Variants in ZNF195 observed in about 807,000 individuals in gnomAD.
The protein encoded by ZNF195 is zinc finger protein 195, also known as hypoxia-regulated factor-1.
In ZNF195, 11 loss-of-function variants were observed where a neutral mutation model predicts 19.5. The ratio of observed to expected loss-of-function variants is 0.57; its 90% confidence interval spans 0.36 to 0.94. The LOEUF (loss-of-function observed/expected upper bound fraction) is 0.94, where lower values mean the gene tolerates loss of function less well. Among genes scored for constraint, ZNF195 ranks in the 40% least tolerant of loss-of-function variants. The pLI, the probability that ZNF195 is intolerant of heterozygous loss-of-function variation, is 0.01. For missense variants in ZNF195, 582 were observed against 709.0 expected, an observed-to-expected ratio of 0.82 and a Z score of 2.03; for synonymous variants, 214 against 248.1, an observed-to-expected ratio of 0.86 and a Z score of 1.29.
At chr11:3,367,945 T>C (rs989536854) in intron 3 of ZNF195, among the ~76,000 whole-genome samples, 1 of 151,858 alleles carries the variant, frequency 6.6e-6, no homozygotes, top group African/African-American at 2.4e-5. Context: ...TGGTGGTGCA[T>C]GCCTGTGTGT....
At chr11:3,360,980 C>T (rs1848606569) in intron 4 of ZNF195, among the ~76,000 whole-genome samples, 192 bp from the exon 5 acceptor site, 2 of 152,122 alleles carry the variant, frequency 1.3e-5, no homozygotes, top group Non-Finnish European at 2.9e-5. Context: ...TTGGTTTCTG[C>T]CCCCTGTGAC....
chr11:3,369,991 C>T (rs1009612495), intron 3 of ZNF195, among the ~76,000 whole-genome samples: 1 of 152,106 alleles, frequency 6.6e-6, no homozygotes, highest in Non-Finnish European at 1.5e-5. Context: ...ACAATATATA[C>T]ACAATTTTTA....
intron 2 of ZNF195, 135 bp downstream of exon 2, chr11:3,371,442 T>C (rs1849206719): frequency 2.6e-6 from 3 of 1,163,066 alleles, no homozygotes; most frequent in African/African-American, 1.6e-5. Flanking sequence ...ACATCAACTA[T>C]TCCCCATGTT....
chr11:3,359,968 T>C lies in ZNF195; in HGVS notation c.1040A>G (p.His347Arg), dbSNP rs1456239502. ...NQCSHLTEHE[H>R]GTEEKPCKYE... Reference sequence around the variant, plus strand: ...TTTGCAGGGTTTTTCCTCAGTACCATGCTCATGTTCAGTAAGGTGGGAGCA... The same window carrying C: ...TTTGCAGGGTTTTTCCTCAGTACCACGCTCATGTTCAGTAAGGTGGGAGCA... The change falls in exon 6 of 6, where the codon CAT becomes CGT. Residue 347 changes from histidine (H) to arginine (R), a missense_variant. His to Arg is a conservative substitution (Grantham distance 29). Coordinates refer to ENST00000399602, the MANE Select transcript of ZNF195 (RefSeq NM_001130520.3). The surrounding 1 kb of genome is among the most constrained non-coding windows in gnomAD (Gnocchi z 5.5). The C allele has an allele frequency of 3.1e-6, 5 of 1,614,170 alleles. No homozygotes were observed. The highest frequency in any genetic ancestry group is 4.2e-6 in the Non-Finnish European group (5 of 1,180,032).
chr11:3,378,737 C>A (rs904185500), intron 1 of ZNF195, among the ~76,000 whole-genome samples: 4 of 152,262 alleles, frequency 2.6e-5, no homozygotes, highest in African/African-American at 9.6e-5. Flanking sequence ...CCCCCACGGG[C>A]TACAGATCAT....
At chr11:3,369,713 C>T (rs545818132) in intron 3 of ZNF195, among the ~76,000 whole-genome samples, 99 of 152,310 alleles carry the variant, frequency 6.5e-4, no homozygotes, top group Admixed American at 2.2e-3. Flanking sequence ...AGGACAATGG[C>T]AGTTGCCAGG....
Position 3,360,236 on chromosome 11 carries a change from A to T in ZNF195, c.772T>A (p.Phe258Ile). ...TGAATTTTCTGATGTTCAGTTAGGA[A>T]TGAGAGCATTTGAAAGGATTTGCCA... Reference protein sequence around the residue: ...ECGKSFQMLSFLTEHQKIHTG... With the variant: ...ECGKSFQMLSILTEHQKIHTG... The change falls in exon 6 of 6, where the codon TTC (phenylalanine) becomes ATC (isoleucine). Residue 258 changes from phenylalanine (F) to isoleucine (I), a missense_variant. Phe to Ile is a conservative substitution (Grantham distance 21, BLOSUM62 0). Transcript: ENST00000399602. 6.2e-7 allele frequency: 1 copy of T among 1,614,046 alleles called. No homozygotes were observed. Among genetic ancestry groups the T allele is most frequent in the Non-Finnish European group, 8.5e-7 (1 of 1,180,002 alleles).
At chr11:3,365,366 A>C (rs925935083) in intron 3 of ZNF195, among the ~76,000 whole-genome samples, 5 of 152,242 alleles carry the variant, frequency 3.3e-5, no homozygotes, top group African/African-American at 9.6e-5. Flanking sequence ...CACATAGTGC[A>C]TTGTGTTACA....
chr11:3,360,671 A>C (rs1334891117), intron 5 of ZNF195, 49 bp downstream of exon 5: 6 of 1,548,650 alleles, frequency 3.9e-6, no homozygotes, highest in Non-Finnish European at 5.2e-6. Context: ...ATGGCATAAA[A>C]AATACCACAG....
intron 3 of ZNF195, chr11:3,368,709 T>C (rs1849026668): frequency 2.8e-6 from 1 of 356,854 alleles, no homozygotes; most frequent in Non-Finnish European, 5.7e-6. Flanking sequence ...CAGGATGGTA[T>C]GCGAACAGAG....
intron 3 of ZNF195, among the ~76,000 whole-genome samples, chr11:3,369,774 T>C: frequency 6.6e-6 from 1 of 152,194 alleles, no homozygotes; most frequent in African/African-American, 2.4e-5. Flanking sequence ...AAACTTTCAG[T>C]TGTAAGATGA....
At chr11:3,378,920 G>C (rs979828601) in intron 1 of ZNF195, 118 bp downstream of exon 1, 5 of 1,211,690 alleles carry the variant, frequency 4.1e-6, no homozygotes, top group Non-Finnish European at 5.3e-6. Context: ...GCAGCTGGAG[G>C]GGCCTCGGGT....
At chr11:3,377,999 A>T in intron 1 of ZNF195, 13 of 928,858 alleles carry the variant, frequency 1.4e-5, no homozygotes, top group Non-Finnish European at 1.7e-5. Context: ...TTACAAACAG[A>T]AAACAAATCT....
At chr11:3,372,771 G>T (rs1849280256) in intron 1 of ZNF195, among the ~76,000 whole-genome samples, 2 of 152,188 alleles carry the variant, frequency 1.3e-5, no homozygotes, top group Admixed American at 6.5e-5. Flanking sequence ...TCACTCTGTA[G>T]CCCAGGCTGG....
intron 1 of ZNF195, among the ~76,000 whole-genome samples, chr11:3,376,109 G>C (rs1849447965): frequency 6.6e-6 from 1 of 152,154 alleles, no homozygotes; most frequent in Non-Finnish European, 1.5e-5. Flanking sequence ...GTCCTCCCCA[G>C]CTTCCTTCCA....
intron 1 of ZNF195, chr11:3,373,711 C>T: frequency 1.5e-6 from 2 of 1,292,474 alleles, no homozygotes; most frequent in Non-Finnish European, 2.2e-6. Context: ...TCACCTGCTA[C>T]CACCACAACC....
chr11:3,378,273 G>A (rs1234389981), intron 1 of ZNF195, among the ~76,000 whole-genome samples: 3 of 152,084 alleles, frequency 2.0e-5, no homozygotes, highest in African/African-American at 7.2e-5. Flanking sequence ...TCGCGCCACT[G>A]CACTCCAGCC....
intron 3 of ZNF195, among the ~76,000 whole-genome samples, chr11:3,370,708 C>T (rs2133714281): frequency 6.6e-6 from 1 of 152,358 alleles, no homozygotes; most frequent in East Asian, 1.9e-4. Flanking sequence ...CATGAGACCA[C>T]ACAGGCCCTT....
chr11:3,372,800 C>T (rs375088823), intron 1 of ZNF195, among the ~76,000 whole-genome samples: 112 of 152,344 alleles, frequency 7.4e-4, no homozygotes, highest in African/African-American at 2.6e-3. Flanking sequence ...GGCGCGATCT[C>T]GGCTCACTGC....
Sources: allele counts gnomAD v4.1 joint callset (sites outside exome capture counted in the v4.1 genomes callset), GRCh38; gene constraint gnomAD v4.1.1; non-coding constraint Gnocchi (gnomAD v3.1); transcripts MANE v1.5; gene names NCBI Gene and HGNC (gene_info 2026-07-23, HGNC 2026-07-21).